Variants in AGBL4 observed in about 807,000 individuals in gnomAD.
The protein encoded by AGBL4 is cytosolic carboxypeptidase 6.
In AGBL4, 58 loss-of-function variants were observed where a neutral mutation model predicts 66.4. The ratio of observed to expected loss-of-function variants is 0.87; its 90% CI spans 0.71 to 1.09. AGBL4 has a LOEUF of 1.09. AGBL4 is among the 50% of genes least tolerant of loss of function. The probability of loss-of-function intolerance (pLI) is 0.00; values close to 1 mark genes in which losing one functional copy is unlikely to be tolerated. For synonymous variants in AGBL4, 234 were observed against 222.9 expected (o/e 1.05, Z -0.44); for missense variants, 579 against 631.0 (o/e 0.92, Z 0.88).
chr1:49,241,877 T>C (rs1651268254), intron 4 of AGBL4, among the ~76,000 whole-genome samples: 1 of 152,002 alleles, frequency 6.6e-6, no homozygotes, highest in Admixed American at 6.6e-5. Context: ...GAAGTATTAT[T>C]ATGTACTTTT....
At chr1:48,628,879 G>C (rs910834667) in intron 9 of AGBL4, among the ~76,000 whole-genome samples, 22 of 133,934 alleles carry the variant, frequency 1.6e-4, no homozygotes, top group Non-Finnish European at 2.7e-4. Context: ...CCAAAGCACT[G>C]TTTGCTTAAT....
chr1:48,851,977 T>C (rs1317364026), intron 6 of AGBL4, among the ~76,000 whole-genome samples: 1 of 147,746 alleles, frequency 6.8e-6, no homozygotes, highest in African/African-American at 2.5e-5. Context: ...CATAACAACA[T>C]GAGCATTTCC....
chr1:49,842,345 C>A (rs1646017956), intron 2 of AGBL4: 4 of 556,996 alleles, frequency 7.2e-6, no homozygotes, highest in Admixed American at 5.0e-5. Flanking sequence ...AGAGGCAGAG[C>A]CATGGGCGGT....
chr1:48,912,898 A>G (rs571256955), intron 5 of AGBL4, among the ~76,000 whole-genome samples: 2 of 152,316 alleles, frequency 1.3e-5, no homozygotes, highest in East Asian at 1.9e-4. Context: ...AACTCAGACC[A>G]TAAGAGTCAG....
At chr1:49,684,028 G>A (rs978675789) in intron 3 of AGBL4, among the ~76,000 whole-genome samples, 3 of 152,124 alleles carry the variant, frequency 2.0e-5, no homozygotes, top group Non-Finnish European at 4.4e-5. Flanking sequence ...CACAAGAGTA[G>A]GTCAGGCTAC....
At chr1:48,980,764 T>TATATAC (rs1659703906) in intron 5 of AGBL4, among the ~76,000 whole-genome samples, 1 of 45,500 alleles carries the variant, frequency 2.2e-5, no homozygotes, top group African/African-American at 6.8e-5. Flanking sequence ...TATATATATA[T>TATATAC]ATATATATAT....
chr1:49,794,325 ACC>A (rs748543918), intron 2 of AGBL4, among the ~76,000 whole-genome samples: 23 of 151,972 alleles, frequency 1.5e-4, no homozygotes, highest in Non-Finnish European at 3.1e-4. Context: ...AAGTTAAATT[ACC>A]CAAGATCTTC....
intron 3 of AGBL4, among the ~76,000 whole-genome samples, chr1:49,454,084 G>C (rs933947969): frequency 1.3e-5 from 2 of 151,764 alleles, no homozygotes. Context: ...CAGGTTTCTT[G>C]AAGCTGCTGG....
chr1:48,813,344 T>A (rs946877644), intron 6 of AGBL4, among the ~76,000 whole-genome samples: 3 of 152,128 alleles, frequency 2.0e-5, no homozygotes, highest in African/African-American at 7.2e-5. Context: ...TGAGATGAAC[T>A]GGCAGAAAAA....
intron 3 of AGBL4, among the ~76,000 whole-genome samples, chr1:49,345,795 T>G (rs1202212851): frequency 6.6e-6 from 1 of 152,202 alleles, no homozygotes; most frequent in Non-Finnish European, 1.5e-5. Context: ...TCTTAACTTA[T>G]GAAAATATAG....
intron 3 of AGBL4, among the ~76,000 whole-genome samples, chr1:49,422,712 A>C (rs1325125196): frequency 6.6e-6 from 1 of 151,892 alleles, no homozygotes; most frequent in Non-Finnish European, 1.5e-5. Flanking sequence ...CACCCAGCTC[A>C]CTCTTAAATA....
intron 2 of AGBL4, among the ~76,000 whole-genome samples, chr1:49,711,164 A>G (rs1161868602): frequency 6.6e-6 from 1 of 152,142 alleles, no homozygotes; most frequent in Non-Finnish European, 1.5e-5. Flanking sequence ...TAAAAGGACG[A>G]TCACTTTGCA....
chr1:49,661,454 G>A (rs1416898681), intron 3 of AGBL4, among the ~76,000 whole-genome samples: 3 of 152,040 alleles, frequency 2.0e-5, no homozygotes, highest in African/African-American at 7.2e-5. Context: ...GTTCAAGCAA[G>A]ATCTGGTTAT....
intron 3 of AGBL4, among the ~76,000 whole-genome samples, chr1:49,626,982 C>G (rs1161563841): frequency 6.6e-6 from 1 of 152,148 alleles, no homozygotes; most frequent in East Asian, 1.9e-4. Flanking sequence ...GGAGGTACTA[C>G]AATGCTACAT....
chr1:48,972,124 C>T (rs1048910823), intron 5 of AGBL4, among the ~76,000 whole-genome samples: 1 of 152,084 alleles, frequency 6.6e-6, no homozygotes, highest in Admixed American at 6.6e-5. Context: ...TCTATAAGCA[C>T]CTTTCTAACT....
chr1:49,925,142 G>C (rs774161488), intron 1 of AGBL4, among the ~76,000 whole-genome samples: 1 of 152,124 alleles, frequency 6.6e-6, no homozygotes, highest in Non-Finnish European at 1.5e-5. Context: ...CCTTTCACTT[G>C]AGAAAAGGAA....
chr1:49,067,334 G>A (rs1336360875), intron 4 of AGBL4, among the ~76,000 whole-genome samples: 1 of 152,154 alleles, frequency 6.6e-6, no homozygotes, highest in African/African-American at 2.4e-5. Context: ...TCACACACTT[G>A]CTTAAAACCT....
chr1:49,196,882 A>G (rs933077635), intron 4 of AGBL4, among the ~76,000 whole-genome samples: 1 of 152,120 alleles, frequency 6.6e-6, no homozygotes, highest in African/African-American at 2.4e-5. Flanking sequence ...GCAGGAATAC[A>G]GTGGCATGAT....
chr1:48,634,871 T>C (rs527337504), intron 8 of AGBL4, among the ~76,000 whole-genome samples: 1 of 152,344 alleles, frequency 6.6e-6, no homozygotes, highest in African/African-American at 2.4e-5. Flanking sequence ...TGTAGCCTCA[T>C]GTCAGCATCC....
Sources: allele counts gnomAD v4.1 joint callset (sites outside exome capture counted in the v4.1 genomes callset), GRCh38; gene constraint gnomAD v4.1.1; transcripts MANE v1.5; gene names NCBI Gene and HGNC (gene_info 2026-07-23, HGNC 2026-07-21).